Variants in CHLSN observed in about 807,000 individuals in gnomAD.
CHLSN encodes cholesin.
At chr7:1,063,758 C>T in the CHLSN span, among the ~76,000 whole-genome samples, 2 of 152,246 alleles carry the variant, frequency 1.3e-5, no homozygotes, top group African/African-American at 2.4e-5. Context: ...AGAAGCGCCT[C>T]TTTAGGGATT....
chr7:1,028,978 C>T, the CHLSN span: 1 of 218,884 alleles, frequency 4.6e-6, no homozygotes, highest in Non-Finnish European at 7.7e-6. Context: ...CCCATGGCAT[C>T]CACGTGTCCA....
the CHLSN span, among the ~76,000 whole-genome samples, chr7:1,072,999 T>A: frequency 2.6e-4 from 40 of 152,184 alleles, no homozygotes; most frequent in Non-Finnish European, 5.1e-4. Flanking sequence ...TCTTCTTGGG[T>A]CAGTATGGTA....
At chr7:1,061,007 C>T in the CHLSN span, among the ~76,000 whole-genome samples, 32 of 152,254 alleles carry the variant, frequency 2.1e-4, no homozygotes, top group African/African-American at 4.6e-4. Flanking sequence ...TCTTCCTGGC[C>T]GATACTTTCC....
the CHLSN span, among the ~76,000 whole-genome samples, chr7:1,023,672 CA>C: frequency 0.011 from 1,110 of 104,734 alleles, 19 homozygotes; most frequent in African/African-American, 0.034. The surrounding 1 kb of genome is among the most constrained non-coding windows in gnomAD (Gnocchi z 5.0). Context: ...CACACACACA[CA>C]CACACCAGCA....
chr7:978,156 G>T, the CHLSN span, among the ~76,000 whole-genome samples: 10,740 of 152,136 alleles, frequency 0.071, 1,090 homozygotes, highest in African/African-American at 0.23. Flanking sequence ...AATGATTATT[G>T]CTTTATATGA....
At chr7:1,107,195 C>G in the CHLSN span, among the ~76,000 whole-genome samples, 1 of 152,144 alleles carries the variant, frequency 6.6e-6, no homozygotes, top group Non-Finnish European at 1.5e-5. Flanking sequence ...AACACCCACC[C>G]GGAAAAACTG....
the CHLSN span, chr7:984,882 G>C: frequency 1.3e-6 from 2 of 1,520,202 alleles, no homozygotes; most frequent in East Asian, 4.5e-5. Context: ...CTCACTTCCT[G>C]CCCACTTGCC....
At chr7:1,041,395 T>C in the CHLSN span, among the ~76,000 whole-genome samples, 1 of 125,976 alleles carries the variant, frequency 7.9e-6, no homozygotes, top group Non-Finnish European at 1.8e-5. Flanking sequence ...GGACCTGGGG[T>C]CCGCGCTGCG....
At chr7:1,064,848 C>T in the CHLSN span, among the ~76,000 whole-genome samples, 1 of 152,218 alleles carries the variant, frequency 6.6e-6, no homozygotes, top group Non-Finnish European at 1.5e-5. Flanking sequence ...CCCCAGCCCA[C>T]CCCACACTCA....
the CHLSN span, among the ~76,000 whole-genome samples, chr7:1,122,809 A>G: frequency 6.6e-6 from 1 of 152,124 alleles, no homozygotes; most frequent in Non-Finnish European, 1.5e-5. Flanking sequence ...AAACCCTGGG[A>G]CCCCTCTGGT....
the CHLSN span, among the ~76,000 whole-genome samples, chr7:1,116,834 G>A: frequency 3.5e-5 from 2 of 57,668 alleles, no homozygotes; most frequent in East Asian, 3.5e-4. Context: ...CATCACCGAC[G>A]CCCACGCAGG....
the CHLSN span, among the ~76,000 whole-genome samples, chr7:1,066,595 C>T: frequency 1.8e-3 from 272 of 152,180 alleles, 1 homozygote; most frequent in African/African-American, 6.4e-3. Flanking sequence ...TCTACCTGCC[C>T]TCTACCTACC....
chr7:1,075,337 C>T, the CHLSN span, among the ~76,000 whole-genome samples: 4 of 152,146 alleles, frequency 2.6e-5, no homozygotes, highest in South Asian at 8.3e-4. Flanking sequence ...ATGGTAAAAT[C>T]CTGTCTCTAC....
the CHLSN span, among the ~76,000 whole-genome samples, chr7:1,067,301 T>TTGG: frequency 3.9e-5 from 3 of 77,002 alleles, no homozygotes; most frequent in East Asian, 3.6e-4. Flanking sequence ...GCACAGTCTG[T>TTGG]TGGAGGCTGG....
chr7:1,028,387 G>C, the CHLSN span: 1 of 987,610 alleles, frequency 1.0e-6, no homozygotes. Flanking sequence ...CGGCCGGCCC[G>C]GCGCGGCTGG....
the CHLSN span, chr7:1,010,287 C>T: frequency 1.4e-6 from 1 of 711,608 alleles, no homozygotes; most frequent in Non-Finnish European, 2.2e-6. Context: ...CCAGCCGACA[C>T]CATCCTGCTA....
At chr7:1,116,417 C>T in the CHLSN span, among the ~76,000 whole-genome samples, 73 of 128,306 alleles carry the variant, frequency 5.7e-4, no homozygotes, top group Middle Eastern at 5.2e-3. Flanking sequence ...ATGACTGCAG[C>T]TCTACGGACC....
the CHLSN span, chr7:988,566 A>T: frequency 6.3e-7 from 1 of 1,597,288 alleles, no homozygotes; most frequent in African/African-American, 1.3e-5. Context: ...TCCCCTGGGG[A>T]GGTCCCCACC....
the CHLSN span, chr7:985,415 C>T: frequency 7.3e-7 from 1 of 1,379,056 alleles, no homozygotes; most frequent in Non-Finnish European, 9.8e-7. Flanking sequence ...TGTCCCCTCT[C>T]AGCTTCTCGG....
Sources: allele counts gnomAD v4.1 joint callset (sites outside exome capture counted in the v4.1 genomes callset), GRCh38; gene constraint gnomAD v4.1.1; non-coding constraint Gnocchi (gnomAD v3.1); transcripts MANE v1.5; gene names NCBI Gene and HGNC (gene_info 2026-07-23, HGNC 2026-07-21).